Variants in CCDC40 observed in about 807,000 individuals in gnomAD.
The protein encoded by CCDC40 is coiled-coil domain-containing protein 40.
A neutral mutation model predicts 124.5 loss-of-function variants in CCDC40; 104 were observed. That is an observed-to-expected ratio of 0.84 (90% CI 0.71 to 0.98). The LOEUF is 0.98. Among genes scored for constraint, CCDC40 ranks in the 50% least tolerant of loss-of-function variants. The pLI is 0.00. For missense variants in CCDC40, 1,463 were observed against 1,503.9 expected, an observed-to-expected ratio of 0.97 and a Z score of 0.45; for synonymous variants, 580 against 602.9, an observed-to-expected ratio of 0.96 and a Z score of 0.56.
At chr17:80,064,645 G>A (rs889998790) in intron 9 of CCDC40, among the ~76,000 whole-genome samples, 3 of 152,092 alleles carry the variant, frequency 2.0e-5, no homozygotes, top group Non-Finnish European at 4.4e-5. Context: ...TTCCCTTGGA[G>A]TAAATTCCTG....
At chr17:80,083,052 C>T (rs9899138) in intron 12 of CCDC40, among the ~76,000 whole-genome samples, 98,575 of 151,728 alleles carry the variant, frequency 0.65, 32,154 homozygotes, top group Middle Eastern at 0.8. Flanking sequence ...GGGTCAACCA[C>T]GGGGTCCAGG....
chr17:80,047,334 G>A lies in CCDC40; in HGVS notation c.608G>A (p.Arg203His), dbSNP rs764262876. 25 of 1,613,704 alleles carry A rather than the reference G, an allele frequency of 1.5e-5. No individual in the cohort carries two copies. The highest frequency in any genetic ancestry group is 6.7e-5 in the East Asian group (3 of 44,884). The change falls in exon 4 of 20, where the codon CGC (arginine) becomes CAC (histidine). Residue 203 changes from arginine to histidine, a missense_variant. Arg to His is a conservative substitution (Grantham distance 29, BLOSUM62 0). Transcript: ENST00000397545. ...GQVLPMGVQH[R>H]FRLSHGSDIE... ...GTGCTCCCAATGGGCGTCCAGCACC[G>A]CTTCCGGCTGAGCCACGGGAGCGAC...
rs1455160544 is a variant in CCDC40, at chr17:80,087,936, G to C, written c.2620-75G>C. On this transcript the variant is annotated intron_variant, in intron 15 of 19. Coordinates refer to ENST00000397545, the MANE Select transcript of CCDC40 (RefSeq NM_017950.4). This position sits in a 1 kb window ranked among gnomAD's most constrained non-coding sequence, Gnocchi z 4.5. ...CCTGCAGCCCTGCCCTCGGTGCCGG[G>C]ATAGAGGGCACCAGCCCCGGCATCC... The C allele has an allele frequency of 7.5e-7, 1 of 1,333,108 alleles. No individual in the cohort carries two copies. Among genetic ancestry groups the C allele is most frequent in the Non-Finnish European group, 1.1e-6 (1 of 924,624 alleles). The allele number at this position is 1,333,108 out of a possible 1,614,324, so 82.6% of individuals were successfully genotyped here.
chr17:80,044,849 T>C (rs1393685330), intron 3 of CCDC40, among the ~76,000 whole-genome samples: 1 of 151,872 alleles, frequency 6.6e-6, no homozygotes, highest in Non-Finnish European at 1.5e-5. Context: ...GAAAATACAC[T>C]GGGAAGTAGT....
intron 3 of CCDC40, 35 bp from the exon 4 acceptor site, chr17:80,047,244 C>T (rs763913328): frequency 6.2e-7 from 1 of 1,608,776 alleles, no homozygotes; most frequent in Middle Eastern, 1.7e-4. Context: ...GGCAATTAAG[C>T]CCTGTTGACT....
At position 80,081,625 on chromosome 17, in the gene CCDC40, A is replaced by G; in HGVS notation, c.1642A>G (p.Asn548Asp). 1 of 1,614,170 alleles carries G rather than the reference A, an allele frequency of 6.2e-7. No homozygotes were observed. The highest frequency in any genetic ancestry group is 8.5e-7 in the Non-Finnish European group (1 of 1,180,046). ...KKSIMKEEEK[N>D]EKLASILNRT... ...ATCCATCATGAAGGAGGAAGAAAAG[A>G]ACGAGAAGCTGGCGAGCATCCTGAA... Residue 548 changes from asparagine (N) to aspartate (D), a missense_variant, in exon 11 of 20, where the codon AAC becomes GAC. Coordinates refer to ENST00000397545, the MANE Select transcript of CCDC40 (RefSeq NM_017950.4).
intron 3 of CCDC40, among the ~76,000 whole-genome samples, chr17:80,044,334 T>C (rs1002042918): frequency 6.6e-6 from 1 of 152,220 alleles, no homozygotes; most frequent in Non-Finnish European, 1.5e-5. Flanking sequence ...AATTAAGTTT[T>C]ATGATCACAA....
intron 17 of CCDC40, among the ~76,000 whole-genome samples, chr17:80,093,192 T>C (rs1384634730): frequency 6.6e-6 from 1 of 152,362 alleles, no homozygotes; most frequent in East Asian, 1.9e-4. Context: ...ACTTCCTTTT[T>C]TTTTAAGACA....
At position 80,086,055 on chromosome 17, in the gene CCDC40, T is replaced by A; in HGVS notation, c.2288T>A (p.Ile763Asn). ...GAAATCAAAAGGCTGAGCAAGCTGA[T>A]CGACGAGCACGATGGCAAGGCGGTC... ...ELEIKRLSKL[I>N]DEHDGKAVQA... is the part of the protein sequence containing the mutation. The change falls in exon 14 of 20, where the codon ATC becomes AAC. Residue 763 changes from isoleucine (I) to asparagine (N), a missense_variant. Coordinates refer to ENST00000397545, the MANE Select transcript of CCDC40 (RefSeq NM_017950.4). The surrounding 1 kb of genome is among the most constrained non-coding windows in gnomAD (Gnocchi z 5.5). 6.2e-7 allele frequency: 1 copy of A among 1,614,122 alleles called. No individual in the cohort carries two copies. Among genetic ancestry groups the A allele is most frequent in the South Asian group, 1.1e-5 (1 of 91,086 alleles).
intron 1 of CCDC40, 66 bp downstream of exon 1, chr17:80,036,757 G>A: frequency 7.0e-7 from 1 of 1,423,154 alleles, no homozygotes; most frequent in Non-Finnish European, 9.3e-7. Context: ...CACCGCTCCA[G>A]GTGGCCCCCG....
intron 17 of CCDC40, chr17:80,090,530 T>C: frequency 1.3e-6 from 2 of 1,521,978 alleles, no homozygotes; most frequent in Middle Eastern, 2.3e-4. Context: ...CTACTCCATG[T>C]AATCACAGCA....
chr17:80,089,710 G>A (rs200523130), intron 16 of CCDC40, 54 bp from the exon 17 acceptor site: 13 of 1,609,002 alleles, frequency 8.1e-6, no homozygotes, highest in South Asian at 4.4e-5. Context: ...TGAGCTCACC[G>A]AAGCATCAGA....
rs758243927 is a variant in CCDC40 at position 80,081,574 on chromosome 17, G to T, written c.1591G>T (p.Asp531Tyr). ...ATGCCAGCATCAAGCCAAATCCACC[G>T]ACGGCGAGATTGAGGCCTATAAGAA... ...RGCQHQAKSTDGEIEAYKKSI... is the reference protein window; with the variant it reads ...RGCQHQAKSTYGEIEAYKKSI... Residue 531 changes from aspartate to tyrosine, a missense_variant, in exon 11 of 20, where the codon GAC becomes TAC. Physicochemically the swap from Asp to Tyr is radical, Grantham distance 160 (BLOSUM62 -3). Transcript: ENST00000397545. 3.1e-6 allele frequency: 5 copies of T among 1,613,680 alleles called. No individual in the cohort carries two copies. Among genetic ancestry groups the T allele is most frequent in the Non-Finnish European group, 3.4e-6 (4 of 1,180,030 alleles).
In CCDC40 at chr17:80,047,421, G is replaced by C. The variant is rs1201091847; in HGVS notation, c.676+19G>C. ...GAGCCAGGTGCCACCCACCTGCTGA[G>C]GTCACCCTGCCCTGGCGATGAGCCA... On this transcript the variant is annotated intron_variant, in intron 4 of 19. Transcript: ENST00000397545. 1 of 1,607,370 alleles carries C rather than the reference G, an allele frequency of 6.2e-7. No homozygotes were observed. The highest frequency in any genetic ancestry group is 8.5e-7 in the Non-Finnish European group (1 of 1,177,486).
At position 80,040,278 on chromosome 17, in the gene CCDC40, G is replaced by T. The variant is rs1246770266; in HGVS notation, c.552+8G>T. On this transcript the variant is annotated splice_region_variant and intron_variant, in intron 3 of 19. Coordinates refer to ENST00000397545, the MANE Select transcript of CCDC40 (RefSeq NM_017950.4). ...CCAGCAGTGGGCAGATTGGTGAGTA[G>T]CCCTGACTTCTGTTTTGTGCCAGTG... The T allele has an allele frequency of 1.2e-6, 2 of 1,611,964 alleles. No homozygotes were observed. The highest frequency in any genetic ancestry group is 2.7e-5 in the African/African-American group (2 of 74,878).
In CCDC40 at chr17:80,090,158, A is replaced by G. The variant is rs7210658; in HGVS notation, c.2832+274A>G. 0.12 allele frequency: 123,284 copies of G among 995,440 alleles called. 33,556 individuals are homozygous for G. The highest frequency in any genetic ancestry group is 0.14 in the Non-Finnish European group (99,870 of 702,262). 61.7% of individuals were successfully genotyped at this position (995,440 alleles called of 1,614,324 possible). Reference sequence around the variant, plus strand: ...GTGCAGAAATATTGCAGAACAACACAGGACGCACACAGGCACGTGCACGAA... The same window carrying G: ...GTGCAGAAATATTGCAGAACAACACGGGACGCACACAGGCACGTGCACGAA... On this transcript the variant is annotated intron_variant, in intron 17 of 19. Transcript: ENST00000397545.
Position 80,056,014 on chromosome 17 carries a change from A to ATTTTTTTTT in CCDC40, c.1160-2479_1160-2478insTTTTTTTTT, listed in dbSNP as rs1173801732. 5.4e-3 allele frequency among the ~76,000 whole-genome samples: 73 copies of ATTTTTTTTT among 13,438 alleles called. 1 individual carries two copies. The highest frequency in any genetic ancestry group is 6.9e-3 in the Non-Finnish European group (56 of 8,104). The allele number at this position is 13,438 out of a possible 152,430, so 8.8% of individuals were successfully genotyped here. A position where few individuals can be genotyped will look rare whatever the true frequency, so the allele number is the denominator to read the frequency against. On this transcript the variant is annotated intron_variant, in intron 7 of 19. Coordinates refer to ENST00000397545, the MANE Select transcript of CCDC40 (RefSeq NM_017950.4). ...TATATATATATATATATATATATAT[A>ATTTTTTTTT]TATTTTTTTTTTTTTTTGGTAGAAA... is the stretch of plus-strand genomic sequence containing the variant.
At chr17:80,079,891 C>G in intron 10 of CCDC40, among the ~76,000 whole-genome samples, 4 of 151,036 alleles carry the variant, frequency 2.6e-5, no homozygotes, top group Admixed American at 2.6e-4. Context: ...CGCCACTGTA[C>G]TCCAGCCTGA....
intron 10 of CCDC40, among the ~76,000 whole-genome samples, chr17:80,071,110 G>A (rs1475004163): frequency 6.6e-6 from 1 of 152,112 alleles, no homozygotes; most frequent in African/African-American, 2.4e-5. Context: ...ACATACGCAG[G>A]GAAATGGGTC....
Sources: gnomAD v4.1 joint callset for allele counts (sites outside exome capture counted in the v4.1 genomes callset) on GRCh38, gnomAD v4.1.1 for gene constraint, Gnocchi (gnomAD v3.1) non-coding constraint, MANE v1.5 for transcripts, NCBI Gene and HGNC (gene_info 2026-07-23, HGNC 2026-07-21) for gene names.